Variants in UPP2 observed in about 807,000 individuals in gnomAD.
UPP2 encodes the protein UPase 2.
Under a neutral mutation model 26.7 loss-of-function variants are expected in UPP2, and 23 were observed. The observed-to-expected ratio is 0.86, with a 90% CI of 0.62 to 1.22. The LOEUF is 1.22. UPP2 is among the 50% of genes most tolerant of loss of function. The pLI is 0.00. For missense variants in UPP2, 387 were observed against 396.7 expected (o/e 0.98, Z 0.21); for synonymous variants, 127 against 141.3 (o/e 0.90, Z 0.72).
intron 3 of UPP2, among the ~76,000 whole-genome samples, chr2:158,086,614 A>G (rs1682822137): frequency 6.6e-6 from 1 of 151,858 alleles, no homozygotes; most frequent in African/African-American, 2.4e-5. Flanking sequence ...AGATGTTTTG[A>G]TGTAGATATT....
intron 3 of UPP2, among the ~76,000 whole-genome samples, chr2:158,068,527 C>G (rs1159530754): frequency 3.3e-5 from 5 of 151,680 alleles, no homozygotes; most frequent in East Asian, 1.9e-4. Flanking sequence ...TTACCTCCCC[C>G]GCTGTTCTGT....
chr2:158,061,223 C>T (rs1412273389), intron 3 of UPP2, among the ~76,000 whole-genome samples: 1 of 152,104 alleles, frequency 6.6e-6, no homozygotes, highest in African/African-American at 2.4e-5. Context: ...ATCTATCTTC[C>T]CATGTGGCAG....
intron 3 of UPP2, among the ~76,000 whole-genome samples, chr2:158,082,877 C>T (rs986989654): frequency 6.6e-6 from 1 of 151,150 alleles, no homozygotes; most frequent in Non-Finnish European, 1.5e-5. Flanking sequence ...AAAACAACCC[C>T]ATCAAAAAGT....
At chr2:158,019,929 G>A (rs1261920031) in intron 3 of UPP2, among the ~76,000 whole-genome samples, 1 of 152,086 alleles carries the variant, frequency 6.6e-6, no homozygotes, top group East Asian at 1.9e-4. Context: ...CGATTTTATT[G>A]TATTATAATT....
chr2:158,103,707 T>C (rs962615160), intron 1 of UPP2, among the ~76,000 whole-genome samples: 1 of 152,232 alleles, frequency 6.6e-6, no homozygotes, highest in Non-Finnish European at 1.5e-5. Flanking sequence ...AATGTGCATG[T>C]GAATCACACA....
At chr2:158,021,778 G>C (rs1683755447) in intron 3 of UPP2, among the ~76,000 whole-genome samples, 1 of 152,134 alleles carries the variant, frequency 6.6e-6, no homozygotes, top group African/African-American at 2.4e-5. Context: ...TATCATCATA[G>C]ACAGGCTCTA....
At chr2:158,118,400 G>A (rs1033984565) in intron 4 of UPP2, among the ~76,000 whole-genome samples, 6 of 151,900 alleles carry the variant, frequency 3.9e-5, no homozygotes, top group African/African-American at 1.2e-4. Context: ...ACCTCTACTG[G>A]CTGTATCTTT....
intron 2 of UPP2, among the ~76,000 whole-genome samples, chr2:158,001,121 G>A (rs566738969): frequency 2.0e-5 from 3 of 152,230 alleles, no homozygotes; most frequent in African/African-American, 7.2e-5. Flanking sequence ...CTGGGTTCCC[G>A]ATCATTTGCC....
upstream of UPP2, among the ~76,000 whole-genome samples, chr2:158,099,657 A>C (rs1329516459): frequency 6.6e-6 from 1 of 152,172 alleles, no homozygotes; most frequent in African/African-American, 2.4e-5. Context: ...AGAGCACAAA[A>C]GCATGGTCTC....
intron 2 of UPP2, among the ~76,000 whole-genome samples, chr2:158,003,729 A>G (rs986139671): frequency 2.0e-5 from 3 of 151,560 alleles, no homozygotes; most frequent in East Asian, 3.9e-4. Context: ...AAAAAAAAAA[A>G]AGAGAGAAAA....
intron 3 of UPP2, among the ~76,000 whole-genome samples, chr2:158,055,803 T>C (rs1682237616): frequency 6.9e-6 from 1 of 145,718 alleles, no homozygotes; most frequent in African/African-American, 2.8e-5. Context: ...GCGGAGATTG[T>C]GTTGTCCTCA....
chr2:158,134,655 T>C (rs1683893491), intron 6 of UPP2, 93 bp from the exon 7 acceptor site: 1 of 1,377,498 alleles, frequency 7.3e-7, no homozygotes, highest in Non-Finnish European at 9.5e-7. Context: ...TACACAAAAG[T>C]ACATGTGCTA....
chr2:158,083,368 T>C (rs1403314802), intron 3 of UPP2, among the ~76,000 whole-genome samples: 2 of 152,008 alleles, frequency 1.3e-5, no homozygotes, highest in African/African-American at 4.8e-5. Flanking sequence ...TGGAACACTA[T>C]GCAGTCATTA....
intron 3 of UPP2, among the ~76,000 whole-genome samples, chr2:158,092,913 T>A (rs1480887988): frequency 6.6e-6 from 1 of 152,004 alleles, no homozygotes; most frequent in African/African-American, 2.4e-5. Flanking sequence ...CAGAGGGAAA[T>A]GGGGTCTGCA....
chr2:158,067,380 A>T (rs1464008662), intron 3 of UPP2, among the ~76,000 whole-genome samples: 1 of 151,928 alleles, frequency 6.6e-6, no homozygotes, highest in Non-Finnish European at 1.5e-5. Context: ...CAAAAAAAAA[A>T]AAAAAGAGAG....
chr2:158,072,373 A>G (rs943850935), intron 3 of UPP2, among the ~76,000 whole-genome samples: 2 of 152,196 alleles, frequency 1.3e-5, no homozygotes, highest in African/African-American at 4.8e-5. Flanking sequence ...TCTAGACAGC[A>G]TCTCTGTACC....
intron 3 of UPP2, among the ~76,000 whole-genome samples, chr2:158,073,085 C>T (rs923847244): frequency 6.6e-6 from 1 of 151,978 alleles, no homozygotes; most frequent in Non-Finnish European, 1.5e-5. Context: ...TTCAAGGTAA[C>T]AAAGAGAAGG....
rs1296103940 is a variant in UPP2, at chr2:158,135,421, T to C, written c.*531T>C. 1 of 152,306 alleles carries C rather than the reference T, an allele frequency of 6.6e-6. No homozygotes were observed. The highest frequency in any genetic ancestry group is 1.9e-4 in the East Asian group (1 of 5,204). The allele number at this position is 152,306 out of a possible 1,614,324, so 9.4% of individuals were successfully genotyped here. On this transcript the variant is annotated 3_prime_UTR_variant, in exon 7 of 7. Coordinates refer to ENST00000005756, the MANE Select transcript of UPP2 (RefSeq NM_173355.4). ...CTTTTTTACCCCTGCACTATTTCAG[T>C]GCACCACAGAATAGGATTCGAGATT...
chr2:158,013,015 T>A (rs149710212), intron 2 of UPP2, among the ~76,000 whole-genome samples: 69 of 151,640 alleles, frequency 4.6e-4, no homozygotes, highest in East Asian at 3.1e-3. Flanking sequence ...TATTATTATT[T>A]TTTTTTTTGA....
Sources: allele counts gnomAD v4.1 joint callset (sites outside exome capture counted in the v4.1 genomes callset), GRCh38; gene constraint gnomAD v4.1.1; transcripts MANE v1.5; gene names NCBI Gene and HGNC (gene_info 2026-07-23, HGNC 2026-07-21).